Variants in TNKS observed in about 807,000 individuals in gnomAD.
TNKS encodes the protein tankyrase.
In TNKS, 72 loss-of-function variants were observed where a neutral mutation model predicts 135.8. The observed-to-expected ratio is 0.53, with a 90% CI of 0.44 to 0.64. The LOEUF (loss-of-function observed/expected upper bound fraction) is 0.64, where lower values mean the gene tolerates loss of function less well. TNKS is among the 30% of genes least tolerant of loss of function. The pLI, the probability that TNKS is intolerant of heterozygous loss-of-function variation, is 0.00. For missense variants in TNKS, 1,769 were observed against 1,674.0 expected (o/e 1.06, Z -0.99); for synonymous variants, 849 against 649.3 (o/e 1.31, Z -4.68).
intron 1 of TNKS, among the ~76,000 whole-genome samples, chr8:9,559,894 C>T (rs938098549): frequency 1.3e-5 from 2 of 152,080 alleles, no homozygotes; most frequent in African/African-American, 4.8e-5. Flanking sequence ...ATAATGGAAT[C>T]ATCCTATCTG....
intron 3 of TNKS, among the ~76,000 whole-genome samples, chr8:9,620,789 G>A (rs981992088): frequency 7.2e-5 from 11 of 152,152 alleles, no homozygotes; most frequent in African/African-American, 2.7e-4. Flanking sequence ...CTTGTCCCTG[G>A]TGCCATCAGC....
At chr8:9,770,400 T>G in intron 26 of TNKS, 138 bp downstream of exon 26, 1 of 966,884 alleles carries the variant, frequency 1.0e-6, no homozygotes, top group Non-Finnish European at 1.5e-6. Flanking sequence ...AGATACAAAA[T>G]AAAGGTATCA....
chr8:9,763,507 AAGG>A (rs1218320510), intron 22 of TNKS, among the ~76,000 whole-genome samples: 1 of 152,204 alleles, frequency 6.6e-6, no homozygotes. Flanking sequence ...CAAAATAAAT[AAGG>A]AGCCTATTAC....
chr8:9,718,431 G>C (rs753009367), intron 11 of TNKS, among the ~76,000 whole-genome samples: 1 of 152,100 alleles, frequency 6.6e-6, no homozygotes, highest in African/African-American at 2.4e-5. Flanking sequence ...CTGAGACTAG[G>C]CTGTTCACAC....
At chr8:9,673,767 T>G (rs1802413620) in intron 3 of TNKS, among the ~76,000 whole-genome samples, 1 of 152,082 alleles carries the variant, frequency 6.6e-6, no homozygotes, top group Non-Finnish European at 1.5e-5. Flanking sequence ...ACAGCTGCTA[T>G]GCAGGGGTCG....
intron 9 of TNKS, among the ~76,000 whole-genome samples, chr8:9,709,157 A>T (rs1804196754): frequency 6.6e-6 from 1 of 152,170 alleles, no homozygotes; most frequent in African/African-American, 2.4e-5. Flanking sequence ...ATTCTTACGT[A>T]TATTTGACAC....
At chr8:9,762,680 A>C (rs1338597335) in intron 21 of TNKS, among the ~76,000 whole-genome samples, 1 of 152,136 alleles carries the variant, frequency 6.6e-6, no homozygotes, top group Non-Finnish European at 1.5e-5. Flanking sequence ...AGGCAGGCAG[A>C]TCATGAGGTC....
rs1428199985 is a variant in TNKS at position 9,556,363 on chromosome 8, T to C, written c.424T>C (p.Ser142Pro). 5.6e-6 allele frequency: 9 copies of C among 1,614,146 alleles called. No individual in the cohort carries two copies. The East Asian group carries it at 2.0e-4, about 36-fold the overall frequency. Residue 142 changes from serine to proline, a missense_variant, in exon 1 of 27, where the codon TCT becomes CCT. Ser to Pro is a moderately conservative substitution (Grantham distance 74, BLOSUM62 -1). Transcript: ENST00000310430. ...SSSPTSSSSS[S>P]PSSPGSSLAE... ...TTCCCCGACTTCTTCCTCATCTTCCTCTCCATCCTCCCCTGGATCGAGCTT... is the reference window on the plus strand; with the variant it reads ...TTCCCCGACTTCTTCCTCATCTTCCCCTCCATCCTCCCCTGGATCGAGCTT...
At chr8:9,766,671 A>AGAT (rs1807469197) in intron 25 of TNKS, among the ~76,000 whole-genome samples, 1 of 151,994 alleles carries the variant, frequency 6.6e-6, no homozygotes, top group African/African-American at 2.4e-5. Context: ...TTTTTAGTAG[A>AGAT]GATGGGGTTT....
intron 3 of TNKS, among the ~76,000 whole-genome samples, chr8:9,659,203 A>G (rs1274327172): frequency 1.3e-5 from 2 of 152,230 alleles, no homozygotes; most frequent in Non-Finnish European, 2.9e-5. Context: ...AAAGATATCC[A>G]GGAGTTGAAC....
At chr8:9,563,187 T>G (rs2129049711) in intron 1 of TNKS, among the ~76,000 whole-genome samples, 1 of 152,234 alleles carries the variant, frequency 6.6e-6, no homozygotes, top group East Asian at 1.9e-4. Context: ...CCAGAACATT[T>G]TTTGTCATCT....
chr8:9,710,323 T>C (rs1162479257), intron 11 of TNKS, 103 bp downstream of exon 11: 17 of 1,036,190 alleles, frequency 1.6e-5, no homozygotes, highest in Non-Finnish European at 2.2e-5. Context: ...ACTAATTTTA[T>C]AAAGGACTAT....
intron 14 of TNKS, among the ~76,000 whole-genome samples, chr8:9,732,501 C>G (rs1449542152): frequency 2.0e-5 from 3 of 151,396 alleles, no homozygotes; most frequent in Non-Finnish European, 4.4e-5. Flanking sequence ...ATATTTCAAA[C>G]TGTTTCAGTG....
intron 3 of TNKS, among the ~76,000 whole-genome samples, chr8:9,636,771 C>T (rs547865864): frequency 6.6e-6 from 1 of 152,080 alleles, no homozygotes; most frequent in South Asian, 2.1e-4. Flanking sequence ...TTTGAGAATA[C>T]GTTACGTTAG....
At chr8:9,631,188 T>G (rs1284045011) in intron 3 of TNKS, among the ~76,000 whole-genome samples, 1 of 152,212 alleles carries the variant, frequency 6.6e-6, no homozygotes, top group Non-Finnish European at 1.5e-5. Flanking sequence ...TTTTATAACA[T>G]TATGATTATA....
At chr8:9,760,002 AAAAGT>A (rs1807061461) in intron 20 of TNKS, among the ~76,000 whole-genome samples, 1 of 152,108 alleles carries the variant, frequency 6.6e-6, no homozygotes, top group Non-Finnish European at 1.5e-5. Context: ...CAAAAAAAAA[AAAAGT>A]AAAGTCTGAG....
rs773491393 is a variant in TNKS, at chr8:9,580,218, C to T, written c.733C>T (p.Arg245Cys). The T allele has an allele frequency of 4.2e-5, 68 of 1,613,982 alleles. No individual in the cohort carries two copies. Among genetic ancestry groups the T allele is most frequent in the Non-Finnish European group, 5.0e-5 (59 of 1,180,030 alleles). The change falls in exon 2 of 27, where the codon CGT becomes TGT. Residue 245 changes from arginine (R) to cysteine (C), a missense_variant. Arg to Cys is a radical substitution (Grantham distance 180). This residue lies in a region of TNKS where 523 missense variants were observed against 541.0 expected (regional missense o/e 0.97). Coordinates refer to ENST00000310430, the MANE Select transcript of TNKS (RefSeq NM_003747.3). ...LLQMGANVHA[R>C]DDGGLIPLHN... ...ACAGATGGGTGCTAATGTCCACGCTCGTGATGATGGAGGTCTCATCCCGCT... is the reference window on the plus strand; with the variant it reads ...ACAGATGGGTGCTAATGTCCACGCTTGTGATGATGGAGGTCTCATCCCGCT...
chr8:9,776,797 G>C lies in TNKS; in HGVS notation c.*61G>C. ...ACCTGGGACTGGATTACAGAGGATT[G>C]TTTCTAATAACAACATCAATATTCT... is the stretch of plus-strand genomic sequence containing the variant. On this transcript the variant is annotated 3_prime_UTR_variant, in exon 27 of 27. Transcript: ENST00000310430. The C allele has an allele frequency of 6.7e-7, 1 of 1,493,930 alleles. No homozygotes were observed. The allele number at this position is 1,493,930 out of a possible 1,614,324, so 92.5% of individuals were successfully genotyped here.
intron 3 of TNKS, among the ~76,000 whole-genome samples, chr8:9,663,938 A>G (rs935518518): frequency 6.6e-5 from 10 of 152,102 alleles, no homozygotes; most frequent in East Asian, 1.9e-4. Flanking sequence ...ACTGTGGCCA[A>G]TTGATTATAT....
Sources: gnomAD v4.1 joint callset for allele counts (sites outside exome capture counted in the v4.1 genomes callset) on GRCh38, gnomAD v4.1.1 for gene constraint, gnomAD v4.1.1 regional missense constraint, MANE v1.5 for transcripts, NCBI Gene and HGNC (gene_info 2026-07-23, HGNC 2026-07-21) for gene names.